The following ERC2 variants were observed in gnomAD, a reference collection of about 807,000 sequenced individuals.
ERC2 encodes ELKS/RAB6-interacting/CAST family member 2.
ERC2 carries 42 observed loss-of-function variants against 114.8 expected under a neutral mutation model. The ratio of observed to expected loss-of-function variants is 0.37; its 90% CI spans 0.29 to 0.47. The LOEUF (loss-of-function observed/expected upper bound fraction) is 0.47. Ranked by LOEUF, ERC2 falls within the 20% of genes least tolerant of loss-of-function variation. The pLI is 0.99. For synonymous variants in ERC2, 454 were observed against 425.5 expected (o/e 1.07, Z -0.82); for missense variants, 939 against 1,150.7 (o/e 0.82, Z 2.66).
At chr3:55,969,412 C>T (rs2068996896) in intron 12 of ERC2, among the ~76,000 whole-genome samples, 1 of 151,474 alleles carries the variant, frequency 6.6e-6, no homozygotes, top group African/African-American at 2.4e-5. Flanking sequence ...CACACACACA[C>T]ACACACACAC....
intron 3 of ERC2, among the ~76,000 whole-genome samples, chr3:56,276,474 A>AAAAAAAAAAAAC (rs1446116012): frequency 3.4e-5 from 5 of 147,004 alleles, no homozygotes; most frequent in Non-Finnish European, 4.6e-5. Flanking sequence ...AAAAAAAAAA[A>AAAAAAAAAAAAC]AAACAAACTC....
chr3:56,361,247 G>A (rs1008978960), intron 2 of ERC2, among the ~76,000 whole-genome samples: 7 of 152,234 alleles, frequency 4.6e-5, no homozygotes, highest in Non-Finnish European at 1.0e-4. Flanking sequence ...ACAATGGGAT[G>A]AGCTGAAGGC....
chr3:55,702,979 C>A (rs2063303523), intron 15 of ERC2, among the ~76,000 whole-genome samples: 1 of 152,180 alleles, frequency 6.6e-6, no homozygotes, highest in African/African-American at 2.4e-5. Context: ...GACCAGACAC[C>A]TTTGCCTTTG....
At chr3:56,116,475 A>G (rs1468439858) in intron 6 of ERC2, among the ~76,000 whole-genome samples, 1 of 152,208 alleles carries the variant, frequency 6.6e-6, no homozygotes, top group East Asian at 1.9e-4. Flanking sequence ...GCAGGCATCT[A>G]CAGAAGGAAC....
Position 56,447,937 on chromosome 3 carries a change from T to G in ERC2, c.-140-12790A>C, listed in dbSNP as rs551411914. Reference sequence around the variant, plus strand: ...TTTGTATTTTTAGTACAGATGGGGCTTTGACATTTTGTTCAGGCTGGTCTC... The same window carrying G: ...TTTGTATTTTTAGTACAGATGGGGCGTTGACATTTTGTTCAGGCTGGTCTC... On this transcript the variant is annotated intron_variant, in intron 1 of 17. Transcript: ENST00000288221. Among the ~76,000 whole-genome samples the G allele has an allele frequency of 2.0e-5, 3 of 152,182 alleles. No individual in the cohort carries two copies. In the South Asian group the frequency reaches 6.2e-4, roughly 32 times the overall value.
At chr3:55,831,225 C>G (rs1410384223) in intron 14 of ERC2, among the ~76,000 whole-genome samples, 1 of 149,252 alleles carries the variant, frequency 6.7e-6, no homozygotes, top group Non-Finnish European at 1.5e-5. Context: ...GGTGGGAGAA[C>G]TGGTCAAGCC....
intron 14 of ERC2, among the ~76,000 whole-genome samples, chr3:55,751,728 C>T (rs1407184064): frequency 1.3e-5 from 2 of 152,156 alleles, no homozygotes; most frequent in South Asian, 2.1e-4. Context: ...TAAGTCAGAG[C>T]TGTCAGCAAT....
intron 14 of ERC2, among the ~76,000 whole-genome samples, chr3:55,744,461 A>C (rs953032314): frequency 6.6e-6 from 1 of 151,994 alleles, no homozygotes; most frequent in Non-Finnish European, 1.5e-5. Context: ...AACAAACAAA[A>C]AGAAGTGCAA....
intron 17 of ERC2, among the ~76,000 whole-genome samples, chr3:55,574,288 T>C (rs2107534480): frequency 6.6e-6 from 1 of 152,178 alleles, no homozygotes; most frequent in South Asian, 2.1e-4. Context: ...TACCATTCGG[T>C]GGTTGCTATT....
chr3:56,007,585 A>T (rs1035533854), intron 9 of ERC2, among the ~76,000 whole-genome samples: 2 of 152,156 alleles, frequency 1.3e-5, no homozygotes, highest in Non-Finnish European at 2.9e-5. Flanking sequence ...TCTCAAAGTC[A>T]TGCTAATGAT....
Position 55,633,931 on chromosome 3 carries a change from C to T in ERC2, c.*39+49863G>A, listed in dbSNP as rs116035806. ...GTCAAGGGTCCCGGGTGGGAAATGC[C>T]ACATATTCTGCCCACCTCCCACATG... On this transcript the variant is annotated intron_variant, in intron 17 of 17. Coordinates refer to ENST00000288221, the MANE Select transcript of ERC2 (RefSeq NM_015576.3). Among the ~76,000 whole-genome samples the T allele has an allele frequency of 3.5e-3, 538 of 152,278 alleles. 2 individuals are homozygous for T. Among genetic ancestry groups the T allele is most frequent in the African/African-American group, 0.012 (505 of 41,548 alleles).
intron 15 of ERC2, among the ~76,000 whole-genome samples, chr3:55,722,531 T>C (rs2064636391): frequency 1.3e-5 from 2 of 152,158 alleles, no homozygotes; most frequent in South Asian, 4.2e-4. Flanking sequence ...TTTCCCATAG[T>C]ATTTATTATC....
chr3:56,365,670 G>A (rs149143948), intron 2 of ERC2, among the ~76,000 whole-genome samples: 2 of 152,200 alleles, frequency 1.3e-5, no homozygotes, highest in African/African-American at 4.8e-5. Context: ...GTTATTTCAT[G>A]ACACACAGAA....
rs931191160 is a variant in ERC2, at chr3:56,425,465, G to T, written c.657+8886C>A. ...TGGTGAGAGACAAAGTCCTGCTACAGTTTAAGGCCCTGGATGCAGTAACCC... is the reference window on the plus strand; with the variant it reads ...TGGTGAGAGACAAAGTCCTGCTACATTTTAAGGCCCTGGATGCAGTAACCC... On this transcript the variant is annotated intron_variant, in intron 2 of 17. Coordinates refer to ENST00000288221, the MANE Select transcript of ERC2 (RefSeq NM_015576.3). Among the ~76,000 whole-genome samples, 3 of 151,602 alleles carry T rather than the reference G, an allele frequency of 2.0e-5. No individual in the cohort carries two copies. In the East Asian group the frequency reaches 5.8e-4, roughly 29 times the overall value.
At chr3:55,881,002 T>C (rs1332345151) in intron 14 of ERC2, among the ~76,000 whole-genome samples, 2 of 152,180 alleles carry the variant, frequency 1.3e-5, no homozygotes, top group Non-Finnish European at 2.9e-5. Context: ...TCTTGTTTAT[T>C]GAGTTTATCA....
At chr3:56,252,591 C>T (rs1458354904) in intron 3 of ERC2, among the ~76,000 whole-genome samples, 1 of 151,900 alleles carries the variant, frequency 6.6e-6, no homozygotes, top group African/African-American at 2.4e-5. Flanking sequence ...CCCGTCTCTA[C>T]TAAAAATGCA....
At chr3:55,886,902 A>C (rs1053956393) in intron 14 of ERC2, among the ~76,000 whole-genome samples, 2 of 152,242 alleles carry the variant, frequency 1.3e-5, no homozygotes, top group Non-Finnish European at 2.9e-5. Flanking sequence ...TCCAGTATTC[A>C]ATCTAGTCAC....
At chr3:55,977,628 G>A (rs1215275568) in intron 12 of ERC2, among the ~76,000 whole-genome samples, 1 of 152,204 alleles carries the variant, frequency 6.6e-6, no homozygotes, top group Non-Finnish European at 1.5e-5. Context: ...ACACATTGTT[G>A]ATGGGTCTGT....
chr3:55,561,762 C>T (rs929972280), intron 17 of ERC2, among the ~76,000 whole-genome samples: 3 of 152,122 alleles, frequency 2.0e-5, no homozygotes, highest in African/African-American at 4.8e-5. Context: ...ACTCTCAGTC[C>T]ATGACCCATC....
Sources: allele counts gnomAD v4.1 joint callset (sites outside exome capture counted in the v4.1 genomes callset), GRCh38; gene constraint gnomAD v4.1.1; transcripts MANE v1.5; gene names NCBI Gene and HGNC (gene_info 2026-07-23, HGNC 2026-07-21).